GPR55: variants seen among roughly 807,000 people sequenced by gnomAD.
GPR55 encodes G-protein coupled receptor 55.
A neutral mutation model predicts 7.9 loss-of-function variants in GPR55; 6 were observed. The observed-to-expected ratio is 0.76, with a 90% CI of 0.41 to 1.49. GPR55 has a LOEUF of 1.49. GPR55 is among the 40% of genes most tolerant of loss of function. The pLI, the probability that GPR55 is intolerant of heterozygous loss-of-function variation, is 0.01. For missense variants in GPR55, 376 were observed against 406.0 expected, an observed-to-expected ratio of 0.93 and a Z score of 0.63; for synonymous variants, 183 against 166.8, an observed-to-expected ratio of 1.10 and a Z score of -0.75.
rs978588055 is a variant in GPR55, at chr2:230,952,708, A to G, written c.-135+8067T>C. Among the ~76,000 whole-genome samples, 14 of 152,316 alleles carry G rather than the reference A, an allele frequency of 9.2e-5. 1 individual carries two copies. In the East Asian group the frequency reaches 2.7e-3, roughly 29 times the overall value. On this transcript the variant is annotated intron_variant, in intron 1 of 1. Transcript: ENST00000392039. ...ACACAAGCTTCCATCGGGCATCTGC[A>G]CAGCTGAAATGGCCCACGGCCACCC... is the stretch of plus-strand genomic sequence containing the variant.
At chr2:230,920,092 T>TTGTGTG (rs61504370) in intron 1 of GPR55, among the ~76,000 whole-genome samples, 2,337 of 149,486 alleles carry the variant, frequency 0.016, 62 homozygotes, top group African/African-American at 0.052. Context: ...TCTCTGTCTT[T>TTGTGTG]TGTGTGTGTG....
intron 1 of GPR55, among the ~76,000 whole-genome samples, chr2:230,941,442 A>G (rs1691231897): frequency 6.6e-6 from 1 of 152,210 alleles, no homozygotes; most frequent in Non-Finnish European, 1.5e-5. Flanking sequence ...CAGGACGCTC[A>G]ACCTGGGCTC....
At chr2:230,915,625 T>C (rs1690694213) in intron 1 of GPR55, among the ~76,000 whole-genome samples, 1 of 152,212 alleles carries the variant, frequency 6.6e-6, no homozygotes, top group Non-Finnish European at 1.5e-5. Context: ...CCATGTTTCA[T>C]GCAAAAGCTA....
chr2:230,911,318 C>G (rs1163760945), intron 1 of GPR55, among the ~76,000 whole-genome samples: 1 of 152,188 alleles, frequency 6.6e-6, no homozygotes, highest in Admixed American at 6.5e-5. Flanking sequence ...CCCAAACAGG[C>G]TGAAGCAAAG....
chr2:230,951,473 A>G (rs956560102), intron 1 of GPR55, among the ~76,000 whole-genome samples: 3 of 152,170 alleles, frequency 2.0e-5, no homozygotes, highest in Admixed American at 2.0e-4. Flanking sequence ...TTTCATACCA[A>G]CTTGGCAGAG....
rs2125043043 is a variant in GPR55, at chr2:230,908,328, G to A, written c.*1675C>T. On this transcript the variant is annotated 3_prime_UTR_variant, in exon 2 of 2. Transcript: ENST00000650999. ...CCATCCACCTAGGAGGAGGTGTACA[G>A]GGTGCCACTTGAACACAGCAACAGC... 6.6e-6 allele frequency: 1 copy of A among 152,504 alleles called. No individual in the cohort carries two copies. The highest frequency in any genetic ancestry group is 1.9e-4 in the East Asian group (1 of 5,206). The allele number at this position is 152,504 out of a possible 1,614,324, so 9.4% of individuals were successfully genotyped here. A position where few individuals can be genotyped will look rare whatever the true frequency, so the allele number is the denominator to read the frequency against.
intron 1 of GPR55, among the ~76,000 whole-genome samples, chr2:230,955,120 C>G (rs897050190): frequency 3.3e-5 from 5 of 152,224 alleles, no homozygotes; most frequent in Non-Finnish European, 7.3e-5. Context: ...GCTAGCATCC[C>G]AACTCATATA....
In GPR55 at chr2:230,910,753, G is replaced by A; in HGVS notation, c.210C>T (p.Asp70=). The change falls in exon 2 of 2, where the codon GAC becomes GAT. Residue 70 remains aspartate (D), a synonymous_variant. Coordinates refer to ENST00000650999, the MANE Select transcript of GPR55 (RefSeq NM_005683.4). The surrounding 1 kb of genome is among the most constrained non-coding windows in gnomAD (Gnocchi z 5.4). ...ATGGGAGGGAGAGCACCAGCAGCAGGTCAAAGACTGCCAGGTTGATCATGT... is the reference window on the plus strand; with the variant it reads ...ATGGGAGGGAGAGCACCAGCAGCAGATCAAAGACTGCCAGGTTGATCATGT... ...SIYMINLAVF[D]LLLVLSLPFK... is the part of the protein sequence containing the mutation. 6.2e-7 allele frequency: 1 copy of A among 1,614,088 alleles called. No individual in the cohort carries two copies. Among genetic ancestry groups the A allele is most frequent in the Non-Finnish European group, 8.5e-7 (1 of 1,179,932 alleles).
At chr2:230,916,204 T>C (rs1690710511) in intron 1 of GPR55, among the ~76,000 whole-genome samples, 1 of 151,804 alleles carries the variant, frequency 6.6e-6, no homozygotes, top group African/African-American at 2.4e-5. Context: ...TGAAACTTCA[T>C]CTCTCCAAAA....
At chr2:230,934,290 C>A (rs1691099867) in intron 1 of GPR55, among the ~76,000 whole-genome samples, 1 of 152,224 alleles carries the variant, frequency 6.6e-6, no homozygotes. Flanking sequence ...CCTCTCTGCA[C>A]CTCTCTCACC....
chr2:230,928,945 G>T (rs1034677704), upstream of GPR55, among the ~76,000 whole-genome samples: 7 of 152,164 alleles, frequency 4.6e-5, no homozygotes, highest in Non-Finnish European at 7.4e-5. Context: ...CCATCCTATG[G>T]CTCCCCATCT....
chr2:230,941,288 C>G (rs1320703850), intron 1 of GPR55, among the ~76,000 whole-genome samples: 2 of 152,118 alleles, frequency 1.3e-5, no homozygotes, highest in African/African-American at 4.8e-5. Context: ...GCCAGCGCAG[C>G]TGCCCTCTGA....
At chr2:230,927,322 TTGGGGGATATCCAAGGTATA>T (rs1365027421), upstream of GPR55, among the ~76,000 whole-genome samples, 3 of 152,116 alleles carry the variant, frequency 2.0e-5, no homozygotes, top group African/African-American at 4.8e-5. Context: ...CTTGGATACC[TTGGGGGATATCCAAGGTATA>T]TGGGGGATCC....
intron 1 of GPR55, 51 bp from the exon 2 acceptor site, chr2:230,911,147 C>G (rs1174111827): frequency 1.3e-5 from 8 of 604,862 alleles, no homozygotes; most frequent in Non-Finnish European, 2.4e-5. Context: ...CCAGATGCAA[C>G]CACTGTTACT....
intron 1 of GPR55, among the ~76,000 whole-genome samples, chr2:230,954,541 C>T (rs1042616746): frequency 6.6e-6 from 1 of 152,168 alleles, no homozygotes; most frequent in Non-Finnish European, 1.5e-5. Context: ...TTGATATAGG[C>T]ATACAATGTG....
At chr2:230,950,648 G>A (rs1223418646) in intron 1 of GPR55, among the ~76,000 whole-genome samples, 1 of 152,162 alleles carries the variant, frequency 6.6e-6, no homozygotes, top group African/African-American at 2.4e-5. Context: ...GTTATGATAA[G>A]TACACACGTG....
chr2:230,913,389 G>GAT (rs1029923706), intron 1 of GPR55, among the ~76,000 whole-genome samples: 1 of 152,028 alleles, frequency 6.6e-6, no homozygotes, highest in African/African-American at 2.4e-5. Flanking sequence ...AAAGAAAATC[G>GAT]ATATATATAG....
chr2:230,958,354 A>G (rs571351169), intron 1 of GPR55, among the ~76,000 whole-genome samples: 1 of 152,192 alleles, frequency 6.6e-6, no homozygotes. Flanking sequence ...AGAATGGGGT[A>G]TCCATCCCCC....
At chr2:230,945,580 T>C (rs1045264976) in intron 1 of GPR55, among the ~76,000 whole-genome samples, 3 of 152,344 alleles carry the variant, frequency 2.0e-5, no homozygotes, top group Admixed American at 6.5e-5. Context: ...TTTGTTGTTG[T>C]TGTTGTTTTT....
Sources: allele counts gnomAD v4.1 joint callset (sites outside exome capture counted in the v4.1 genomes callset), GRCh38; gene constraint gnomAD v4.1.1; non-coding constraint Gnocchi (gnomAD v3.1); transcripts MANE v1.5; gene names NCBI Gene and HGNC (gene_info 2026-07-23, HGNC 2026-07-21).